The following ATM variants were observed in gnomAD, a reference collection of about 807,000 sequenced individuals.
The protein encoded by ATM is ATM serine/threonine kinase.
In ATM, 308 loss-of-function variants were observed where a neutral mutation model predicts 387.0. That is an observed-to-expected ratio of 0.80 (90% CI 0.73 to 0.87). The LOEUF (loss-of-function observed/expected upper bound fraction) is 0.87, where lower values mean the gene tolerates loss of function less well. Ranked by LOEUF, ATM falls within the 40% of genes least tolerant of loss-of-function variation. The pLI is 0.00. For missense variants in ATM, 3,312 were observed against 3,560.9 expected (o/e 0.93, Z 1.78); for synonymous variants, 1,156 against 1,187.3 (o/e 0.97, Z 0.54).
chr11:108,288,112 C>G (rs760737636), intron 27 of ATM, among the ~76,000 whole-genome samples: 3 of 151,872 alleles, frequency 2.0e-5, no homozygotes, highest in Non-Finnish European at 4.4e-5. Flanking sequence ...CTCTGTTGCC[C>G]TGGCTGGAGT....
chr11:108,296,725 T>C (rs538465199), intron 32 of ATM, among the ~76,000 whole-genome samples: 1 of 152,362 alleles, frequency 6.6e-6, no homozygotes, highest in African/African-American at 2.4e-5. Context: ...GGGCTAGAGA[T>C]CTGCCTTGTG....
intron 34 of ATM, among the ~76,000 whole-genome samples, chr11:108,300,639 T>C (rs1337789496): frequency 6.6e-6 from 1 of 152,240 alleles, no homozygotes; most frequent in African/African-American, 2.4e-5. Flanking sequence ...CCGTTATTGA[T>C]TTAATGTACC....
intron 22 of ATM, among the ~76,000 whole-genome samples, chr11:108,279,236 A>G (rs1008254462): frequency 9.9e-5 from 15 of 152,230 alleles, no homozygotes; most frequent in East Asian, 1.9e-4. Flanking sequence ...AATTTGAGCA[A>G]TAGTTAAAAT....
At position 108,235,777 on chromosome 11, in the gene ATM, A is replaced by G. The variant is rs587782509; in HGVS notation, c.439A>G (p.Lys147Glu). The G allele has an allele frequency of 1.2e-6, 2 of 1,613,746 alleles. No homozygotes were observed. Among genetic ancestry groups the G allele is most frequent in the Non-Finnish European group, 1.7e-6 (2 of 1,179,848 alleles). The change falls in exon 5 of 63, where the codon AAA becomes GAA. Residue 147 changes from lysine to glutamate, a missense_variant. Lys to Glu is a moderately conservative substitution (Grantham distance 56, BLOSUM62 1). Transcript: ENST00000675843. ...YGADCSNILLKDILSVRKYWC... is the reference protein window; with the variant it reads ...YGADCSNILLEDILSVRKYWC... ...AGCTGATTGTAGCAACATACTACTC[A>G]AAGACATTCTTTCTGTGAGAAAATA... is the stretch of plus-strand genomic sequence containing the variant.
At chr11:108,327,796 G>C (rs1274849459) in intron 48 of ATM, 38 bp downstream of exon 48, 1 of 1,392,516 alleles carries the variant, frequency 7.2e-7, no homozygotes, top group African/African-American at 1.4e-5. Flanking sequence ...TAGTTACTTA[G>C]CATGAATATG....
chr11:108,265,588 C>T (rs1442523060), intron 16 of ATM, among the ~76,000 whole-genome samples: 1 of 150,386 alleles, frequency 6.6e-6, no homozygotes, highest in Non-Finnish European at 1.5e-5. Flanking sequence ...GACTTCATGT[C>T]TAAAACACCA....
At chr11:108,333,747 A>G in intron 53 of ATM, 139 bp from the exon 54 acceptor site, 1 of 767,906 alleles carries the variant, frequency 1.3e-6, no homozygotes, top group African/African-American at 1.7e-5. Flanking sequence ...GCCAAAGCCC[A>G]GAGTCTTCAT....
chr11:108,255,722 G>A (rs1046295473), intron 13 of ATM, among the ~76,000 whole-genome samples: 2 of 152,132 alleles, frequency 1.3e-5, no homozygotes, highest in African/African-American at 2.4e-5. Flanking sequence ...CACCATGCCC[G>A]GCCAGCTGTC....
chr11:108,228,436 A>G (rs1045166890), intron 3 of ATM, among the ~76,000 whole-genome samples: 2 of 152,236 alleles, frequency 1.3e-5, no homozygotes, highest in Admixed American at 6.5e-5. Flanking sequence ...AAATCCATTT[A>G]TAACTAGAAA....
chr11:108,258,171 C>T (rs1338054038), intron 15 of ATM, among the ~76,000 whole-genome samples: 1 of 152,202 alleles, frequency 6.6e-6, no homozygotes, highest in East Asian at 1.9e-4. Flanking sequence ...GCTGTGATTA[C>T]AGGTGTCAGC....
intron 58 of ATM, 45 bp from the exon 59 acceptor site, chr11:108,347,234 A>T (rs2137075232): frequency 1.5e-6 from 2 of 1,368,686 alleles, no homozygotes; most frequent in Non-Finnish European, 2.1e-6. Context: ...TATTAGAAAG[A>T]GATGGAATCA....
Position 108,289,018 on chromosome 11 carries a change from A to G in ATM, c.4151A>G (p.His1384Arg), listed in dbSNP as rs757172522. The G allele has an allele frequency of 1.9e-6, 3 of 1,613,430 alleles. No homozygotes were observed. Among genetic ancestry groups the G allele is most frequent in the South Asian group, 2.2e-5 (2 of 91,084 alleles). Reference sequence around the variant, plus strand: ...CCTAATCCACCTCATTTTCCATCGCATGTGATTAAAGCAACATTTGCCTAT... The same window carrying G: ...CCTAATCCACCTCATTTTCCATCGCGTGTGATTAAAGCAACATTTGCCTAT... ...PAPNPPHFPS[H>R]VIKATFAYIS... The change falls in exon 28 of 63, where the codon CAT (histidine) becomes CGT (arginine). Residue 1384 changes from histidine (H) to arginine (R), a missense_variant. Coordinates refer to ENST00000675843, the MANE Select transcript of ATM (RefSeq NM_000051.4).
chr11:108,312,382 A>G, intron 39 of ATM, 29 bp from the exon 40 acceptor site: 1 of 1,500,586 alleles, frequency 6.7e-7, no homozygotes, highest in African/African-American at 1.4e-5. Context: ...GTATGTTCTC[A>G]TTAAAAGAGG....
At chr11:108,347,237 T>G in intron 58 of ATM, 42 bp from the exon 59 acceptor site, 3 of 1,378,276 alleles carry the variant, frequency 2.2e-6, no homozygotes, top group Non-Finnish European at 3.1e-6. Flanking sequence ...TAGAAAGAGA[T>G]GGAATCAGTG....
At chr11:108,354,398 C>T (rs2089625277) in intron 60 of ATM, among the ~76,000 whole-genome samples, 1 of 152,118 alleles carries the variant, frequency 6.6e-6, no homozygotes, top group African/African-American at 2.4e-5. Context: ...TTTATAGGAG[C>T]TTGTGTTCTA....
At position 108,297,395 on chromosome 11, in the gene ATM, C is replaced by G. The variant is rs1192513529; in HGVS notation, c.5005+13C>G. The G allele has an allele frequency of 1.3e-6, 2 of 1,596,016 alleles. No homozygotes were observed. The highest frequency in any genetic ancestry group is 1.7e-6 in the Non-Finnish European group (2 of 1,163,720). On this transcript the variant is annotated intron_variant, in intron 33 of 62. Coordinates refer to ENST00000675843, the MANE Select transcript of ATM (RefSeq NM_000051.4). ...AAAGAAGTTCTAGGTAAACTACAGT[C>G]ATGCGCTGCGTGACATTTCAGTCAA...
In ATM at chr11:108,229,198, A is replaced by G; in HGVS notation, c.206A>G (p.Gln69Arg). The G allele has an allele frequency of 6.2e-7, 1 of 1,612,650 alleles. No homozygotes were observed. The highest frequency in any genetic ancestry group is 8.5e-7 in the Non-Finnish European group (1 of 1,179,232). The change falls in exon 4 of 63, where the codon CAG (glutamine) becomes CGG (arginine). Residue 69 changes from glutamine (Q) to arginine (R), a missense_variant. Coordinates refer to ENST00000675843, the MANE Select transcript of ATM (RefSeq NM_000051.4). ...AVFRFLQKYI[Q>R]KETECLRIAK... is the part of the protein sequence containing the mutation. Reference sequence around the variant, plus strand: ...TGAAGATTTTTACAGAAATATATTCAGAAAGAAACAGAATGTCTGAGAATA... The same window carrying G: ...TGAAGATTTTTACAGAAATATATTCGGAAAGAAACAGAATGTCTGAGAATA...
chr11:108,344,933 G>A (rs1428116457), intron 57 of ATM, among the ~76,000 whole-genome samples: 1 of 151,978 alleles, frequency 6.6e-6, no homozygotes, highest in Admixed American at 6.6e-5. Context: ...GAGCCCAGGG[G>A]CCAAAATTGC....
chr11:108,246,366 T>A (rs2079848254), intron 7 of ATM, among the ~76,000 whole-genome samples: 1 of 152,322 alleles, frequency 6.6e-6, no homozygotes, highest in Non-Finnish European at 1.5e-5. Flanking sequence ...ATTGGCAGGA[T>A]GATGAGGATG....
Sources: allele counts gnomAD v4.1 joint callset (sites outside exome capture counted in the v4.1 genomes callset), GRCh38; gene constraint gnomAD v4.1.1; transcripts MANE v1.5; gene names NCBI Gene and HGNC (gene_info 2026-07-23, HGNC 2026-07-21).